The following PTPRT variants were observed in gnomAD, a reference collection of about 807,000 sequenced individuals.
PTPRT encodes the protein receptor-type tyrosine-protein phosphatase T.
PTPRT carries 56 observed loss-of-function variants against 176.8 expected under a neutral mutation model. The observed-to-expected ratio is 0.32, with a 90% CI of 0.26 to 0.40. The LOEUF is 0.40. Among genes scored for constraint, PTPRT ranks in the 10% least tolerant of loss-of-function variants. The pLI, the probability that PTPRT is intolerant of heterozygous loss-of-function variation, is 1.00. For synonymous variants in PTPRT, 783 were observed against 739.0 expected (o/e 1.06, Z -0.96); for missense variants, 1,540 against 1,908.2 (o/e 0.81, Z 3.60).
At chr20:43,147,103 C>A (rs2014192214) in intron 1 of PTPRT, among the ~76,000 whole-genome samples, 1 of 152,164 alleles carries the variant, frequency 6.6e-6, no homozygotes, top group Non-Finnish European at 1.5e-5. Flanking sequence ...TACCTCATGT[C>A]TTCTCTCCAG....
chr20:43,136,196 T>C (rs1228976627), intron 1 of PTPRT, among the ~76,000 whole-genome samples: 1 of 152,248 alleles, frequency 6.6e-6, no homozygotes, highest in African/African-American at 2.4e-5. Flanking sequence ...CCCAGTTTTA[T>C]GAATCATTCT....
In PTPRT at chr20:42,078,793, G is replaced by C. The variant is rs559011064; in HGVS notation, c.*2086C>G. The C allele has an allele frequency of 5.7e-6, 1 of 175,394 alleles. No individual in the cohort carries two copies. The highest frequency in any genetic ancestry group is 2.4e-5 in the African/African-American group (1 of 42,292). The allele number at this position is 175,394 out of a possible 1,614,324, so 10.9% of individuals were successfully genotyped here. On this transcript the variant is annotated 3_prime_UTR_variant, in exon 31 of 31. Coordinates refer to ENST00000373187, the MANE Select transcript of PTPRT (RefSeq NM_007050.6). ...ATTGCACATATGGATCCCTTTGCCT[G>C]AGTTTCCTTTTTTTCCTTTTTATGC...
the PTPRT span, among the ~76,000 whole-genome samples, chr20:42,060,600 G>C: frequency 1.3e-5 from 2 of 152,214 alleles, no homozygotes; most frequent in Non-Finnish European, 2.9e-5. Context: ...GAGTTCCCCT[G>C]CACAAGTTTT....
chr20:42,979,820 G>GT (rs1392839221), intron 1 of PTPRT, among the ~76,000 whole-genome samples: 1 of 152,036 alleles, frequency 6.6e-6, no homozygotes, highest in African/African-American at 2.4e-5. Flanking sequence ...AGTCAGGTAG[G>GT]TTTTGTCCCA....
intron 12 of PTPRT, among the ~76,000 whole-genome samples, chr20:42,294,995 G>T (rs1235065465): frequency 3.3e-5 from 5 of 152,044 alleles, no homozygotes; most frequent in African/African-American, 7.2e-5. Context: ...GTAAGGCAAA[G>T]AAAATCCAAC....
chr20:42,887,328 G>C (rs2079119347), intron 1 of PTPRT, among the ~76,000 whole-genome samples: 1 of 152,180 alleles, frequency 6.6e-6, no homozygotes, highest in African/African-American at 2.4e-5. Flanking sequence ...CTTCCACCAT[G>C]TGAGGACACA....
In PTPRT at chr20:43,189,042, C is replaced by T. The variant is rs982554632; in HGVS notation, c.88+604G>A. ...GCGCCCAGCTACCTCGGAGAAAAGC[C>T]AGCGGGTAGGGCGGAGGTATTGCTC... On this transcript the variant is annotated intron_variant, in intron 1 of 30. Transcript: ENST00000373187. The surrounding 1 kb of genome is among the most constrained non-coding windows in gnomAD (Gnocchi z 5.0). Among the ~76,000 whole-genome samples, 2 of 152,234 alleles carry T rather than the reference C, an allele frequency of 1.3e-5. No homozygotes were observed. The highest frequency in any genetic ancestry group is 4.8e-5 in the African/African-American group (2 of 41,470).
At chr20:42,148,644 A>G (rs1369433703) in intron 17 of PTPRT, among the ~76,000 whole-genome samples, 1 of 152,204 alleles carries the variant, frequency 6.6e-6, no homozygotes, top group Admixed American at 6.5e-5. Flanking sequence ...CCTGGCACTC[A>G]CAGGTAGGCC....
chr20:43,189,533 C>T lies in PTPRT; in HGVS notation c.88+113G>A, dbSNP rs1218552265. On this transcript the variant is annotated intron_variant, in intron 1 of 30. Coordinates refer to ENST00000373187, the MANE Select transcript of PTPRT (RefSeq NM_007050.6). This position sits in a 1 kb window ranked among gnomAD's most constrained non-coding sequence, Gnocchi z 5.0. ...GAGACCCGGGTTCCGGCCATGGGGA[C>T]CCGCGCCCCCGCGAGCCCACACAAC... 4.8e-5 allele frequency: 30 copies of T among 630,364 alleles called. No homozygotes were observed. The highest frequency in any genetic ancestry group is 6.3e-5 in the Non-Finnish European group (29 of 461,346). The allele number at this position is 630,364 out of a possible 1,614,324, so 39.0% of individuals were successfully genotyped here.
chr20:42,985,935 GA>G (rs1230623702), intron 1 of PTPRT, among the ~76,000 whole-genome samples: 1 of 152,168 alleles, frequency 6.6e-6, no homozygotes, highest in African/African-American at 2.4e-5. Flanking sequence ...GAGGGTAAGA[GA>G]AGCAGAACAC....
At chr20:42,395,642 C>A (rs1419899142) in intron 9 of PTPRT, among the ~76,000 whole-genome samples, 1 of 152,150 alleles carries the variant, frequency 6.6e-6, no homozygotes, top group Non-Finnish European at 1.5e-5. Context: ...GATTTCAGTA[C>A]CCACAATTCT....
At chr20:42,828,486 GTTAA>G (rs1367257137) in intron 2 of PTPRT, among the ~76,000 whole-genome samples, 2 of 152,214 alleles carry the variant, frequency 1.3e-5, no homozygotes, top group Non-Finnish European at 2.9e-5. Context: ...GGAGCCGAAT[GTTAA>G]TCACCAAGAC....
intron 2 of PTPRT, among the ~76,000 whole-genome samples, chr20:42,806,447 G>A (rs981139706): frequency 1.4e-5 from 2 of 141,800 alleles, no homozygotes; most frequent in African/African-American, 5.3e-5. Context: ...TTGAGCCACT[G>A]TACTCCAGCC....
At chr20:42,918,099 T>C (rs1006877468) in intron 1 of PTPRT, among the ~76,000 whole-genome samples, 1 of 152,066 alleles carries the variant, frequency 6.6e-6, no homozygotes, top group Non-Finnish European at 1.5e-5. Context: ...CTTCTTTCAG[T>C]TCAGGGGCAG....
At chr20:42,945,808 T>A (rs1980849771) in intron 1 of PTPRT, among the ~76,000 whole-genome samples, 1 of 151,954 alleles carries the variant, frequency 6.6e-6, no homozygotes, top group African/African-American at 2.4e-5. Flanking sequence ...GCAATCACAC[T>A]TCTATCTAGT....
intron 1 of PTPRT, among the ~76,000 whole-genome samples, chr20:43,083,881 T>G (rs774104402): frequency 1.6e-4 from 24 of 152,204 alleles, no homozygotes; most frequent in Admixed American, 1.6e-3. Flanking sequence ...GACCTATACA[T>G]GGAAATATCC....
At chr20:42,335,724 TA>T (rs2058030944) in intron 11 of PTPRT, among the ~76,000 whole-genome samples, 1 of 152,156 alleles carries the variant, frequency 6.6e-6, no homozygotes, top group Non-Finnish European at 1.5e-5. Context: ...AAAGAGTATT[TA>T]AAGGCAAACC....
At chr20:42,720,912 A>C (rs980732600) in intron 6 of PTPRT, among the ~76,000 whole-genome samples, 1 of 152,218 alleles carries the variant, frequency 6.6e-6, no homozygotes, top group Non-Finnish European at 1.5e-5. Flanking sequence ...ACCTCCTGGC[A>C]TGCAGCCCTG....
At chr20:42,148,613 C>T (rs138472894) in intron 17 of PTPRT, among the ~76,000 whole-genome samples, 239 of 152,218 alleles carry the variant, frequency 1.6e-3, no homozygotes, top group African/African-American at 5.5e-3. Context: ...AGAAAAGCAG[C>T]CCCTGAATTC....
Sources: gnomAD v4.1 joint callset for allele counts (sites outside exome capture counted in the v4.1 genomes callset) on GRCh38, gnomAD v4.1.1 for gene constraint, Gnocchi (gnomAD v3.1) non-coding constraint, MANE v1.5 for transcripts, NCBI Gene and HGNC (gene_info 2026-07-23, HGNC 2026-07-21) for gene names.